Variants in DTNB observed in about 807,000 individuals in gnomAD.
The protein encoded by DTNB is dystrobrevin beta, also known as DTN-B.
DTNB carries 63 observed loss-of-function variants against 90.7 expected under a neutral mutation model. That is an observed-to-expected ratio of 0.69 (90% CI 0.57 to 0.86). The LOEUF (loss-of-function observed/expected upper bound fraction) is 0.86, where lower values mean the gene tolerates loss of function less well. DTNB is among the 40% of genes least tolerant of loss of function. DTNB has a pLI of 0.00. For synonymous variants in DTNB, 277 were observed against 286.7 expected (o/e 0.97, Z 0.34); for missense variants, 744 against 807.1 (o/e 0.92, Z 0.95).
rs1409926114 is a variant in DTNB at position 25,473,167 on chromosome 2, T to C, written c.1079+9629A>G. On this transcript the variant is annotated intron_variant, in intron 10 of 20. Coordinates refer to ENST00000406818, the MANE Select transcript of DTNB (RefSeq NM_021907.5). The stretch of plus-strand genomic sequence containing the variant: ...TTCCCCAATAAGATCCATGAAAAAG[T>C]TGAGAACTGTACCACAGCACTGATT... Among the ~76,000 whole-genome samples, 3 of 152,194 alleles carry C rather than the reference T, an allele frequency of 2.0e-5. No individual in the cohort carries two copies. The East Asian group carries it at 5.8e-4, about 29-fold the overall frequency.
At chr2:25,543,487 T>G (rs1485467885) in intron 8 of DTNB, among the ~76,000 whole-genome samples, 3 of 152,094 alleles carry the variant, frequency 2.0e-5, no homozygotes, top group Non-Finnish European at 2.9e-5. Context: ...GTATTTTTAA[T>G]AGAGACAGGT....
At chr2:25,463,249 G>A (rs1369618827) in intron 10 of DTNB, among the ~76,000 whole-genome samples, 1 of 152,170 alleles carries the variant, frequency 6.6e-6, no homozygotes, top group Non-Finnish European at 1.5e-5. Context: ...ACTATACCCA[G>A]CCATCAGGCC....
intron 8 of DTNB, among the ~76,000 whole-genome samples, chr2:25,575,633 T>C (rs749626890): frequency 4.6e-5 from 7 of 152,232 alleles, no homozygotes; most frequent in Non-Finnish European, 7.3e-5. Context: ...GTGAGTTTAT[T>C]TGCTTTTTCT....
At chr2:25,543,633 T>C (rs2081808637) in intron 8 of DTNB, among the ~76,000 whole-genome samples, 1 of 152,178 alleles carries the variant, frequency 6.6e-6, no homozygotes, top group Non-Finnish European at 1.5e-5. Flanking sequence ...ATTTGACAAC[T>C]GTTGCTTTTT....
At chr2:25,472,538 C>T (rs868444070) in intron 10 of DTNB, among the ~76,000 whole-genome samples, 1 of 152,186 alleles carries the variant, frequency 6.6e-6, no homozygotes, top group East Asian at 1.9e-4. Context: ...GCTTGTAGAA[C>T]TGTGTGGCCA....
At chr2:25,500,323 AG>A (rs2070249183) in intron 9 of DTNB, among the ~76,000 whole-genome samples, 1 of 152,238 alleles carries the variant, frequency 6.6e-6, no homozygotes, top group Admixed American at 6.5e-5. Context: ...AGGAATTCAA[AG>A]AAGGCTGGTA....
At chr2:25,446,085 A>G (rs2058381999) in intron 12 of DTNB, among the ~76,000 whole-genome samples, 1 of 152,166 alleles carries the variant, frequency 6.6e-6, no homozygotes, top group Admixed American at 6.5e-5. Flanking sequence ...GATGAATCTT[A>G]CTGTGACCTC....
chr2:25,501,877 A>G (rs1398224947), intron 9 of DTNB, among the ~76,000 whole-genome samples: 1 of 152,150 alleles, frequency 6.6e-6, no homozygotes, highest in African/African-American at 2.4e-5. Context: ...AAAACTTCAG[A>G]TTTATTAAAG....
intron 8 of DTNB, among the ~76,000 whole-genome samples, chr2:25,537,570 A>T (rs1361280743): frequency 6.6e-6 from 1 of 152,248 alleles, no homozygotes; most frequent in Non-Finnish European, 1.5e-5. Flanking sequence ...TAAAAATTTT[A>T]AAACTATGTA....
chr2:25,472,474 G>C (rs1481748923), intron 10 of DTNB, among the ~76,000 whole-genome samples: 1 of 152,186 alleles, frequency 6.6e-6, no homozygotes, highest in Non-Finnish European at 1.5e-5. Context: ...GGGCTGGCAA[G>C]GGTCAGCTCA....
chr2:25,409,495 A>T (rs1435953078), intron 16 of DTNB, among the ~76,000 whole-genome samples: 1 of 152,216 alleles, frequency 6.6e-6, no homozygotes, highest in African/African-American at 2.4e-5. Context: ...TTCATGTGTA[A>T]TTCACAGATT....
intron 8 of DTNB, among the ~76,000 whole-genome samples, chr2:25,558,813 A>T (rs935302124): frequency 4.6e-5 from 7 of 152,248 alleles, no homozygotes; most frequent in African/African-American, 1.4e-4. Flanking sequence ...GAAAATGCGG[A>T]TAAAGGTTAT....
At chr2:25,485,476 A>G (rs191694510) in intron 9 of DTNB, among the ~76,000 whole-genome samples, 49 of 152,336 alleles carry the variant, frequency 3.2e-4, no homozygotes, top group African/African-American at 1.2e-3. Flanking sequence ...TTTATAATCA[A>G]TATCTCTTGG....
At chr2:25,499,339 G>A (rs2069872432) in intron 9 of DTNB, among the ~76,000 whole-genome samples, 1 of 152,186 alleles carries the variant, frequency 6.6e-6, no homozygotes, top group African/African-American at 2.4e-5. Context: ...ATGAAGCCCT[G>A]TGTGTCTCAG....
intron 3 of DTNB, 62 bp from the exon 4 acceptor site, chr2:25,628,446 G>A (rs1012293601): frequency 4.2e-5 from 62 of 1,465,312 alleles, no homozygotes; most frequent in South Asian, 1.1e-4. Context: ...CTTCACAATA[G>A]GAATCTAAAA....
intron 9 of DTNB, among the ~76,000 whole-genome samples, chr2:25,486,371 G>T (rs944843963): frequency 2.0e-5 from 3 of 152,144 alleles, no homozygotes; most frequent in Non-Finnish European, 4.4e-5. Context: ...GGCTGGGGTG[G>T]GAGGATCACC....
chr2:25,411,815 G>A (rs1185053606), intron 16 of DTNB, among the ~76,000 whole-genome samples: 2 of 152,210 alleles, frequency 1.3e-5, no homozygotes, highest in Non-Finnish European at 1.5e-5. Flanking sequence ...CAGGCTCACT[G>A]TCTTGAACAT....
At chr2:25,595,559 A>G (rs17047085) in intron 6 of DTNB, among the ~76,000 whole-genome samples, 10,292 of 152,170 alleles carry the variant, frequency 0.068, 1,095 homozygotes, top group African/African-American at 0.23. Context: ...TCTCTGAAGC[A>G]TGGTTAAGAT....
chr2:25,486,908 T>C (rs945494491), intron 9 of DTNB, among the ~76,000 whole-genome samples: 1 of 152,188 alleles, frequency 6.6e-6, no homozygotes, highest in Non-Finnish European at 1.5e-5. Context: ...ATAGGCACTA[T>C]TGAGTTTCAT....
Sources: allele counts gnomAD v4.1 joint callset (sites outside exome capture counted in the v4.1 genomes callset), GRCh38; gene constraint gnomAD v4.1.1; transcripts MANE v1.5; gene names NCBI Gene and HGNC (gene_info 2026-07-23, HGNC 2026-07-21).